Variants in SLC10A7 observed in about 807,000 individuals in gnomAD.
The protein encoded by SLC10A7 is solute carrier family 10 member 7.
In SLC10A7, 29 loss-of-function variants were observed where a neutral mutation model predicts 43.2. That is an observed-to-expected ratio of 0.67 (90% CI 0.50 to 0.92). The LOEUF (loss-of-function observed/expected upper bound fraction) is 0.92, where lower values mean the gene tolerates loss of function less well. Among genes scored for constraint, SLC10A7 ranks in the 40% least tolerant of loss-of-function variants. SLC10A7 has a pLI of 0.00. For synonymous variants in SLC10A7, 152 were observed against 144.8 expected (o/e 1.05, Z -0.35); for missense variants, 295 against 403.2 (o/e 0.73, Z 2.30).
chr4:146,389,740 T>C (rs527840989), intron 5 of SLC10A7, among the ~76,000 whole-genome samples: 2 of 152,224 alleles, frequency 1.3e-5, no homozygotes, highest in African/African-American at 2.4e-5. Context: ...GGCTGTTAGA[T>C]AGATATGAAT....
chr4:146,311,107 C>T (rs779062749), intron 6 of SLC10A7, among the ~76,000 whole-genome samples: 7 of 152,046 alleles, frequency 4.6e-5, no homozygotes, highest in Admixed American at 4.6e-4. Context: ...TCAATACACA[C>T]AATGAATGCC....
At chr4:146,309,866 A>C (rs1731839613) in intron 6 of SLC10A7, among the ~76,000 whole-genome samples, 1 of 152,182 alleles carries the variant, frequency 6.6e-6, no homozygotes, top group Non-Finnish European at 1.5e-5. Context: ...CAAGTTTGTT[A>C]CATGGGTATA....
At chr4:146,322,266 A>G (rs769374749) in intron 6 of SLC10A7, among the ~76,000 whole-genome samples, 16 of 152,042 alleles carry the variant, frequency 1.1e-4, no homozygotes, top group Non-Finnish European at 2.2e-4. Context: ...ACATGTGCGC[A>G]ATGTGCAGGT....
chr4:146,448,212 T>TAAA (rs1457746278), intron 4 of SLC10A7, among the ~76,000 whole-genome samples: 4 of 151,450 alleles, frequency 2.6e-5, no homozygotes, highest in African/African-American at 9.7e-5. Flanking sequence ...AAACTTAAAG[T>TAAA]ATAATAATAA....
At chr4:146,374,851 TATC>T (rs1239487482) in intron 5 of SLC10A7, among the ~76,000 whole-genome samples, 3 of 152,240 alleles carry the variant, frequency 2.0e-5, no homozygotes, top group African/African-American at 7.2e-5. Flanking sequence ...AGTACTGTAT[TATC>T]ATTTCTAGAG....
intron 4 of SLC10A7, among the ~76,000 whole-genome samples, chr4:146,488,437 A>AC (rs1252818180): frequency 6.6e-6 from 1 of 152,114 alleles, no homozygotes; most frequent in Non-Finnish European, 1.5e-5. Flanking sequence ...TGTGCAAATC[A>AC]TTTTTCCCAC....
chr4:146,512,592 C>T (rs1364277621), intron 2 of SLC10A7, among the ~76,000 whole-genome samples: 2 of 152,112 alleles, frequency 1.3e-5, no homozygotes, highest in African/African-American at 4.8e-5. Flanking sequence ...CTCTCCCCTA[C>T]TTTATCAATA....
intron 5 of SLC10A7, among the ~76,000 whole-genome samples, chr4:146,356,042 A>T (rs867108492): frequency 1.7e-3 from 79 of 46,974 alleles, no homozygotes; most frequent in African/African-American, 8.0e-3. Context: ...AGTATAATAA[A>T]AAAAAAAAAA....
intron 5 of SLC10A7, among the ~76,000 whole-genome samples, chr4:146,390,157 GACA>G (rs1441652205): frequency 1.3e-5 from 2 of 152,114 alleles, no homozygotes; most frequent in African/African-American, 4.8e-5. Flanking sequence ...AGAATAATCA[GACA>G]ACGAGCTCTT....
chr4:146,495,168 T>A (rs900447128), intron 4 of SLC10A7, among the ~76,000 whole-genome samples: 3 of 152,186 alleles, frequency 2.0e-5, no homozygotes, highest in African/African-American at 7.2e-5. Context: ...ATCTGCCAGC[T>A]TGCAAGAAGG....
rs548312014 is a variant in SLC10A7, at chr4:146,492,169, G to A, written c.396+11680C>T. 2.8e-4 allele frequency among the ~76,000 whole-genome samples: 43 copies of A among 151,700 alleles called. No individual in the cohort carries two copies. In the South Asian group the frequency reaches 8.3e-3, roughly 29 times the overall value. On this transcript the variant is annotated intron_variant, in intron 4 of 11. Transcript: ENST00000335472. Reference sequence around the variant, plus strand: ...CTGGAGGCGGAGCTTGCAGTGAGCCGAGATCGCGTCACTGCACTCCAGCCT... The same window carrying A: ...CTGGAGGCGGAGCTTGCAGTGAGCCAAGATCGCGTCACTGCACTCCAGCCT...
chr4:146,283,663 A>G (rs1578779482), intron 9 of SLC10A7, among the ~76,000 whole-genome samples: 1 of 152,214 alleles, frequency 6.6e-6, no homozygotes, highest in Non-Finnish European at 1.5e-5. Context: ...TCCTTTTGGT[A>G]GCAAACACAC....
chr4:146,439,704 T>C lies in SLC10A7; in HGVS notation c.435+3079A>G, dbSNP rs182045401. On this transcript the variant is annotated intron_variant, in intron 5 of 11. Coordinates refer to ENST00000335472, the MANE Select transcript of SLC10A7 (RefSeq NM_001029998.6). ...CCACAAGTCTACAGTTTAGGCGCTATCATTACCTCATTTTATATACAGGGA... is the reference window on the plus strand; with the variant it reads ...CCACAAGTCTACAGTTTAGGCGCTACCATTACCTCATTTTATATACAGGGA... Among the ~76,000 whole-genome samples the C allele has an allele frequency of 2.2e-3, 340 of 152,222 alleles. 3 individuals carry two copies. The highest frequency in any genetic ancestry group is 7.8e-3 in the African/African-American group (325 of 41,558).
intron 5 of SLC10A7, among the ~76,000 whole-genome samples, chr4:146,345,909 A>C (rs946719147): frequency 1.3e-5 from 2 of 152,104 alleles, no homozygotes; most frequent in African/African-American, 4.8e-5. Flanking sequence ...ATAATTTTGA[A>C]AAGAAGCCAA....
chr4:146,367,987 T>C (rs1442786065), intron 5 of SLC10A7, among the ~76,000 whole-genome samples: 1 of 152,190 alleles, frequency 6.6e-6, no homozygotes, highest in African/African-American at 2.4e-5. Flanking sequence ...CTCAGGACAC[T>C]GACCCTCTTG....
intron 4 of SLC10A7, among the ~76,000 whole-genome samples, chr4:146,462,774 C>T (rs766743631): frequency 2.6e-5 from 4 of 152,046 alleles, no homozygotes; most frequent in Non-Finnish European, 4.4e-5. Context: ...AATAAAGAGG[C>T]CCAGCTGAAC....
At chr4:146,302,412 C>A (rs936566485) in intron 7 of SLC10A7, among the ~76,000 whole-genome samples, 5 of 152,074 alleles carry the variant, frequency 3.3e-5, no homozygotes, top group African/African-American at 1.2e-4. Flanking sequence ...ATAAACAAAA[C>A]GAATATGGTT....
chr4:146,480,825 C>T lies in SLC10A7; in HGVS notation c.396+23024G>A, dbSNP rs368445465. ...CAGCAAGATGGCTGACAGGAAGCTG[C>T]TAGGGATCTTTCTCTCCCACCAAAA... On this transcript the variant is annotated intron_variant, in intron 4 of 11. Transcript: ENST00000335472. Among the ~76,000 whole-genome samples the T allele has an allele frequency of 5.9e-5, 9 of 152,034 alleles. No homozygotes were observed. In the East Asian group the frequency reaches 1.7e-3, roughly 29 times the overall value.
intron 5 of SLC10A7, among the ~76,000 whole-genome samples, chr4:146,384,363 T>A (rs1737842806): frequency 1.3e-5 from 2 of 152,208 alleles, no homozygotes; most frequent in South Asian, 4.1e-4. Flanking sequence ...GATAAATGAC[T>A]AGAAATAATA....
Sources: allele counts gnomAD v4.1 joint callset (sites outside exome capture counted in the v4.1 genomes callset), GRCh38; gene constraint gnomAD v4.1.1; transcripts MANE v1.5; gene names NCBI Gene and HGNC (gene_info 2026-07-23, HGNC 2026-07-21).